The following DECR1 variants were observed in gnomAD, a reference collection of about 807,000 sequenced individuals.
The protein encoded by DECR1 is 2,4-dienoyl-CoA reductase [(3E)-enoyl-CoA-producing], mitochondrial.
In DECR1, 44 loss-of-function variants were observed where a neutral mutation model predicts 38.8. The ratio of observed to expected loss-of-function variants is 1.13; its 90% CI spans 0.89 to 1.46. DECR1 has a LOEUF of 1.46. Among genes scored for constraint, DECR1 ranks in the 40% most tolerant of loss-of-function variants. DECR1 has a pLI of 0.00. For missense variants in DECR1, 428 were observed against 405.5 expected (o/e 1.06, Z -0.48); for synonymous variants, 148 against 135.2 (o/e 1.09, Z -0.66).
At chr8:90,025,620 G>T (rs968922918) in intron 5 of DECR1, among the ~76,000 whole-genome samples, 35 of 152,188 alleles carry the variant, frequency 2.3e-4, no homozygotes, top group Admixed American at 6.5e-4. Flanking sequence ...GGAGATTTTG[G>T]GCTAAGATGA....
intron 5 of DECR1, among the ~76,000 whole-genome samples, chr8:90,023,079 T>A (rs1240403687): frequency 6.6e-6 from 1 of 152,166 alleles, no homozygotes; most frequent in African/African-American, 2.4e-5. Context: ...TGGTACTGGA[T>A]CGACAGTCAA....
intron 8 of DECR1, among the ~76,000 whole-genome samples, chr8:90,051,172 AT>A (rs1814078958): frequency 6.7e-6 from 1 of 148,618 alleles, no homozygotes; most frequent in South Asian, 2.2e-4. Flanking sequence ...TTCAAGTATA[AT>A]TAAAAAAAAA....
rs1361822916 is a variant in DECR1, at chr8:90,052,289, T to C, written c.*392T>C. Among the ~76,000 whole-genome samples the C allele has an allele frequency of 6.6e-6, 1 of 152,014 alleles. No individual in the cohort carries two copies. The highest frequency in any genetic ancestry group is 1.5e-5 in the Non-Finnish European group (1 of 68,002). On this transcript the variant is annotated 3_prime_UTR_variant, in exon 10 of 10. Transcript: ENST00000220764. The stretch of plus-strand genomic sequence containing the variant: ...TTAATAGGGCCTAAAAGAAAGAAAT[T>C]AGAGGATACACACTAAATATAATAG...
rs1449545122 is a variant in DECR1, at chr8:90,001,687, G to A, written c.69+126G>A. On this transcript the variant is annotated intron_variant, in intron 1 of 9. Coordinates refer to ENST00000220764, the MANE Select transcript of DECR1 (RefSeq NM_001359.2). ...CCTGGGGCGCAAAGAGAGAGGACAG[G>A]GCGTCCCGGGGGTTCGGGGAGCGAG... 3 of 828,624 alleles carry A rather than the reference G, an allele frequency of 3.6e-6. No homozygotes were observed. In the East Asian group the frequency reaches 8.2e-5, roughly 23 times the overall value. 51.3% of individuals were successfully genotyped at this position (828,624 alleles called of 1,614,324 possible).
rs1814138955 is a variant in DECR1 at position 90,053,233 on chromosome 8, TG to T, written c.*1339del. On this transcript the variant is annotated 3_prime_UTR_variant, in exon 10 of 10. Transcript: ENST00000220764. ...CTGCTAATAAAGACATAACCCAAACTGGGTAATTTATAAAAGAAAGAGGTTT... is the reference window on the plus strand; with the variant it reads ...CTGCTAATAAAGACATAACCCAAACTGGTAATTTATAAAAGAAAGAGGTTT... Among the ~76,000 whole-genome samples, 1 of 152,150 alleles carries T rather than the reference TG, an allele frequency of 6.6e-6. No individual in the cohort carries two copies. Among genetic ancestry groups the T allele is most frequent in the Non-Finnish European group, 1.5e-5 (1 of 68,022 alleles).
intron 4 of DECR1, among the ~76,000 whole-genome samples, chr8:90,019,413 G>T (rs1813094102): frequency 6.6e-6 from 1 of 152,210 alleles, no homozygotes; most frequent in Non-Finnish European, 1.5e-5. Flanking sequence ...TTCCTTCAGA[G>T]CAGGGCAACA....
At chr8:90,045,117 G>A (rs1178878599) in intron 8 of DECR1, 122 bp downstream of exon 8, 3 of 809,554 alleles carry the variant, frequency 3.7e-6, no homozygotes, top group Non-Finnish European at 5.8e-6. Context: ...GTATTTAGTT[G>A]TAAATAATAT....
At chr8:90,020,444 A>G (rs918052688) in intron 4 of DECR1, among the ~76,000 whole-genome samples, 28 of 152,246 alleles carry the variant, frequency 1.8e-4, no homozygotes, top group African/African-American at 6.7e-4. Context: ...TTGGAGTGCA[A>G]GTGGCACAAT....
chr8:90,039,807 A>G (rs1363308764), intron 6 of DECR1, among the ~76,000 whole-genome samples: 1 of 152,174 alleles, frequency 6.6e-6, no homozygotes, highest in Non-Finnish European at 1.5e-5. Context: ...ACCTCTCTTG[A>G]GAGGGAGGGA....
chr8:90,051,825 T>C lies in DECR1; in HGVS notation c.949-13T>C, dbSNP rs1344071208. The C allele has an allele frequency of 3.7e-6, 6 of 1,613,204 alleles. No homozygotes were observed. Among genetic ancestry groups the C allele is most frequent in the Non-Finnish European group, 5.1e-6 (6 of 1,179,540 alleles). On this transcript the variant is annotated splice_polypyrimidine_tract_variant and intron_variant, in intron 9 of 9. Coordinates refer to ENST00000220764, the MANE Select transcript of DECR1 (RefSeq NM_001359.2). ...GTAAAAAGGACATTAAATTGACATCTTTTTTGTGTTAGGTCACCAAGGAGC... is the reference window on the plus strand; with the variant it reads ...GTAAAAAGGACATTAAATTGACATCCTTTTTGTGTTAGGTCACCAAGGAGC...
intron 1 of DECR1, among the ~76,000 whole-genome samples, chr8:90,013,183 G>A (rs969044040): frequency 2.0e-5 from 3 of 152,124 alleles, no homozygotes; most frequent in African/African-American, 4.8e-5. Context: ...TGATGATGAC[G>A]ACGATGATAA....
chr8:90,018,892 AAG>A lies in DECR1; in HGVS notation c.273-16_273-15del. 3 of 1,563,872 alleles carry A rather than the reference AAG, an allele frequency of 1.9e-6. No individual in the cohort carries two copies. Among genetic ancestry groups the A allele is most frequent in the Non-Finnish European group, 2.6e-6 (3 of 1,143,522 alleles). On this transcript the variant is annotated splice_polypyrimidine_tract_variant and intron_variant, in intron 2 of 9. Transcript: ENST00000220764. ...TGAAAAATATAATATGAAGTCATAC[AAG>A]GTGTTTATTTCTAGGAAGATGGATG...
At chr8:90,040,069 T>C (rs1369907123) in intron 6 of DECR1, among the ~76,000 whole-genome samples, 1 of 152,194 alleles carries the variant, frequency 6.6e-6, no homozygotes, top group African/African-American at 2.4e-5. Context: ...ATTGAACAAA[T>C]GTATCTGGCA....
chr8:90,033,889 T>C (rs1813556738), intron 5 of DECR1, among the ~76,000 whole-genome samples: 1 of 152,188 alleles, frequency 6.6e-6, no homozygotes, highest in Non-Finnish European at 1.5e-5. Flanking sequence ...TAAAGCAGTT[T>C]TTTTTCTTTT....
chr8:90,027,764 GT>G (rs777623877), intron 5 of DECR1, among the ~76,000 whole-genome samples: 262 of 149,170 alleles, frequency 1.8e-3, no homozygotes, highest in Middle Eastern at 0.014. Context: ...TGTGATTATA[GT>G]TTTTTTTTTA....
chr8:90,026,358 T>C (rs1460168499), intron 5 of DECR1, among the ~76,000 whole-genome samples: 2 of 152,148 alleles, frequency 1.3e-5, no homozygotes, highest in East Asian at 3.8e-4. Flanking sequence ...GTTCCTGGAC[T>C]TTTTTTGGTT....
At chr8:90,016,655 A>G (rs1011214000) in intron 1 of DECR1, 1 of 158,642 alleles carries the variant, frequency 6.3e-6, no homozygotes, top group Admixed American at 6.4e-5. Context: ...CAAACAAACA[A>G]AACAAAACAA....
intron 5 of DECR1, among the ~76,000 whole-genome samples, chr8:90,033,815 G>C (rs141516690): frequency 8.5e-5 from 13 of 152,102 alleles, no homozygotes; most frequent in African/African-American, 1.2e-4. Context: ...AAATGTATTT[G>C]TTCAGTCTTA....
intron 1 of DECR1, chr8:90,003,179 G>A (rs1284537700): frequency 6.6e-6 from 1 of 152,196 alleles, no homozygotes; most frequent in East Asian, 1.9e-4. Context: ...GAGAAGAAAA[G>A]TCTTTACATC....
Sources: allele counts gnomAD v4.1 joint callset (sites outside exome capture counted in the v4.1 genomes callset), GRCh38; gene constraint gnomAD v4.1.1; transcripts MANE v1.5; gene names NCBI Gene and HGNC (gene_info 2026-07-23, HGNC 2026-07-21).